The following PTPRD variants were observed in gnomAD, a reference collection of about 807,000 sequenced individuals.
PTPRD encodes the protein receptor-type tyrosine-protein phosphatase delta.
In PTPRD, 34 loss-of-function variants were observed where a neutral mutation model predicts 214.5. The ratio of observed to expected loss-of-function variants is 0.16; its 90% CI spans 0.12 to 0.21. The LOEUF (loss-of-function observed/expected upper bound fraction) is 0.21. Ranked by LOEUF, PTPRD falls within the 10% of genes least tolerant of loss-of-function variation. The pLI, the probability that PTPRD is intolerant of heterozygous loss-of-function variation, is 1.00. For missense variants in PTPRD, 2,545 were observed against 2,398.7 expected, an observed-to-expected ratio of 1.06 and a Z score of -1.27; for synonymous variants, 1,128 against 845.7, an observed-to-expected ratio of 1.33 and a Z score of -5.79.
intron 11 of PTPRD, among the ~76,000 whole-genome samples, chr9:8,781,848 A>G (rs17576912): frequency 0.11 from 17,053 of 152,208 alleles, 1,060 homozygotes; most frequent in Middle Eastern, 0.15. Flanking sequence ...ACATTGTGAA[A>G]GGTCCTTCCA....
chr9:10,086,211 T>G (rs1195667514), intron 3 of PTPRD, among the ~76,000 whole-genome samples: 1 of 151,836 alleles, frequency 6.6e-6, no homozygotes, highest in African/African-American at 2.4e-5. Context: ...ATATATCATT[T>G]GTGTAACAGC....
chr9:8,770,746 A>T (rs2095142847), intron 11 of PTPRD, among the ~76,000 whole-genome samples: 1 of 152,184 alleles, frequency 6.6e-6, no homozygotes, highest in African/African-American at 2.4e-5. Flanking sequence ...TTTTCCAAAA[A>T]ATGTTCATAT....
At chr9:8,624,889 C>G (rs2095964495) in intron 14 of PTPRD, among the ~76,000 whole-genome samples, 1 of 151,760 alleles carries the variant, frequency 6.6e-6, no homozygotes. Context: ...TTGCAGAGGC[C>G]ACTGAAATAA....
At chr9:9,649,248 G>A (rs990284637) in intron 7 of PTPRD, among the ~76,000 whole-genome samples, 1 of 152,172 alleles carries the variant, frequency 6.6e-6, no homozygotes. Context: ...CCAAGATGGT[G>A]TATTCCCACT....
intron 11 of PTPRD, among the ~76,000 whole-genome samples, chr9:8,936,571 C>T (rs1192692426): frequency 6.6e-6 from 1 of 151,818 alleles, no homozygotes; most frequent in Non-Finnish European, 1.5e-5. Context: ...TAGTTCATCT[C>T]TAAGGCAGCC....
rs370049246 is a variant in PTPRD, at chr9:8,421,355, CTCTCT to C, written c.4086+15232_4086+15236del. Reference sequence around the variant, plus strand: ...TTTTCTTTTTCTTTTCTTTCTTCTTCTCTCTTCTCTTCTCTTCTCTCTCTCTCTCT... The same window carrying C: ...TTTTCTTTTTCTTTTCTTTCTTCTTCTCTCTTCTCTTCTCTCTCTCTCTCT... On this transcript the variant is annotated intron_variant, in intron 35 of 45. Coordinates refer to ENST00000381196, the MANE Select transcript of PTPRD (RefSeq NM_002839.4). Among the ~76,000 whole-genome samples the C allele has an allele frequency of 5.9e-3, 877 of 149,322 alleles. 7 individuals are homozygous for C. The highest frequency in any genetic ancestry group is 0.018 in the African/African-American group (734 of 40,748).
intron 2 of PTPRD, among the ~76,000 whole-genome samples, chr9:10,478,771 G>A (rs892071758): frequency 6.6e-6 from 1 of 151,382 alleles, no homozygotes; most frequent in South Asian, 2.1e-4. Flanking sequence ...CAAATAAGTT[G>A]AGGAAAATTT....
chr9:8,676,378 ATTT>A (rs559455727), intron 12 of PTPRD, among the ~76,000 whole-genome samples: 8 of 111,600 alleles, frequency 7.2e-5, no homozygotes, highest in Admixed American at 9.4e-5. Flanking sequence ...GCTCATTTTC[ATTT>A]TTTTTTTTTT....
intron 39 of PTPRD, among the ~76,000 whole-genome samples, chr9:8,365,210 C>T (rs541329316): frequency 2.6e-5 from 4 of 152,196 alleles, no homozygotes; most frequent in South Asian, 2.1e-4. Flanking sequence ...GTCCCTTCCA[C>T]GGCTATGATT....
At chr9:10,592,110 G>A (rs1028092502) in intron 2 of PTPRD, among the ~76,000 whole-genome samples, 2 of 152,100 alleles carry the variant, frequency 1.3e-5, no homozygotes, top group East Asian at 1.9e-4. Context: ...CTCTAGTGAT[G>A]AGTATTAAGA....
At chr9:10,188,518 T>A (rs2099348022) in intron 3 of PTPRD, among the ~76,000 whole-genome samples, 1 of 152,018 alleles carries the variant, frequency 6.6e-6, no homozygotes, top group South Asian at 2.1e-4. Context: ...TTCTTGGAAA[T>A]AACTAGCTTT....
chr9:8,963,121 A>T (rs185535127), intron 11 of PTPRD: 4 of 152,272 alleles, frequency 2.6e-5, no homozygotes, highest in Non-Finnish European at 1.5e-5. Context: ...ATGTTGAAAG[A>T]TAGAAGCTAG....
intron 7 of PTPRD, among the ~76,000 whole-genome samples, chr9:9,581,532 T>G (rs1421098827): frequency 6.6e-6 from 1 of 152,066 alleles, no homozygotes; most frequent in African/African-American, 2.4e-5. Context: ...TGGGAAAAAA[T>G]GTAGACTGTT....
intron 2 of PTPRD, among the ~76,000 whole-genome samples, chr9:10,607,038 C>T (rs112883614): frequency 6.6e-6 from 1 of 151,832 alleles, no homozygotes; most frequent in African/African-American, 2.4e-5. Context: ...ATGATTCATA[C>T]AAGGCATCCC....
At chr9:8,373,846 A>ATGTG (rs34975102) in intron 39 of PTPRD, among the ~76,000 whole-genome samples, 13,804 of 113,320 alleles carry the variant, frequency 0.12, 758 homozygotes, top group South Asian at 0.24. Flanking sequence ...GTATGTATGT[A>ATGTG]TGTGTATGTG....
intron 14 of PTPRD, among the ~76,000 whole-genome samples, chr9:8,630,583 A>G (rs1039103873): frequency 4.0e-5 from 6 of 151,854 alleles, no homozygotes; most frequent in African/African-American, 1.4e-4. Flanking sequence ...TTTTCTCATG[A>G]AAGTTCTAAA....
intron 2 of PTPRD, among the ~76,000 whole-genome samples, chr9:10,496,969 A>G (rs903759032): frequency 6.6e-6 from 1 of 151,978 alleles, no homozygotes; most frequent in Non-Finnish European, 1.5e-5. Flanking sequence ...ACACAGCCAT[A>G]AAAAAGAATG....
At chr9:8,403,092 T>G (rs1449832471) in intron 36 of PTPRD, among the ~76,000 whole-genome samples, 1 of 152,156 alleles carries the variant, frequency 6.6e-6, no homozygotes, top group Non-Finnish European at 1.5e-5. Flanking sequence ...AACAAATGTA[T>G]TAATGGCCTA....
intron 8 of PTPRD, among the ~76,000 whole-genome samples, chr9:9,439,777 C>T (rs951395966): frequency 2.6e-5 from 4 of 152,162 alleles, no homozygotes; most frequent in South Asian, 2.1e-4. Flanking sequence ...TAGATACTGA[C>T]ACTTTATTTG....
Sources: gnomAD v4.1 joint callset for allele counts (sites outside exome capture counted in the v4.1 genomes callset) on GRCh38, gnomAD v4.1.1 for gene constraint, MANE v1.5 for transcripts, NCBI Gene and HGNC (gene_info 2026-07-23, HGNC 2026-07-21) for gene names.